Variants in TRDN observed in about 807,000 individuals in gnomAD.
TRDN encodes the protein triadin.
A neutral mutation model predicts 149.7 loss-of-function variants in TRDN; 161 were observed. The observed-to-expected ratio is 1.08, with a 90% CI of 0.95 to 1.23. TRDN has a LOEUF of 1.23. Ranked by LOEUF, TRDN falls within the 50% of genes most tolerant of loss-of-function variation. The pLI is 0.00. For synonymous variants in TRDN, 294 were observed against 250.5 expected, an observed-to-expected ratio of 1.17 and a Z score of -1.64; for missense variants, 896 against 823.5, an observed-to-expected ratio of 1.09 and a Z score of -1.08.
chr6:123,449,938 T>C (rs978007860), intron 10 of TRDN, among the ~76,000 whole-genome samples: 5 of 152,098 alleles, frequency 3.3e-5, no homozygotes, highest in African/African-American at 1.2e-4. Context: ...AGAACAATCA[T>C]CAGCCAAGAA....
rs57232836 is a variant in TRDN at position 123,274,232 on chromosome 6, ATT to A, written c.1597+407_1597+408del. On this transcript the variant is annotated intron_variant, in intron 27 of 40. Coordinates refer to ENST00000334268, the MANE Select transcript of TRDN (RefSeq NM_006073.4). ...AGATGCTTAATAAATTCTTGCTCTC[ATT>A]CCCTTCAAACCACAATAGTCTATAA... is the stretch of plus-strand genomic sequence containing the variant. Among the ~76,000 whole-genome samples, 460 of 152,228 alleles carry A rather than the reference ATT, an allele frequency of 3.0e-3. 1 individual carries two copies. The highest frequency in any genetic ancestry group is 0.01 in the African/African-American group (429 of 41,552).
At chr6:123,500,241 A>C (rs1778642483) in intron 8 of TRDN, among the ~76,000 whole-genome samples, 1 of 152,170 alleles carries the variant, frequency 6.6e-6, no homozygotes, top group African/African-American at 2.4e-5. Flanking sequence ...ATATATCAAT[A>C]GGAATATGAG....
intron 5 of TRDN, among the ~76,000 whole-genome samples, chr6:123,525,006 A>G (rs1011991112): frequency 6.6e-6 from 1 of 152,162 alleles, no homozygotes; most frequent in African/African-American, 2.4e-5. Flanking sequence ...CCACATTGAG[A>G]TATCATCTTA....
chr6:123,586,950 G>A (rs140793654), intron 1 of TRDN, among the ~76,000 whole-genome samples: 37 of 152,090 alleles, frequency 2.4e-4, no homozygotes, highest in Non-Finnish European at 3.7e-4. Flanking sequence ...GGGGTACAGC[G>A]ATATAAGAGG....
chr6:123,623,988 A>G (rs528217714), intron 1 of TRDN, among the ~76,000 whole-genome samples: 32 of 152,306 alleles, frequency 2.1e-4, no homozygotes, highest in Non-Finnish European at 4.3e-4. Context: ...TTCTTTCAAG[A>G]AACTTTGAAC....
intron 1 of TRDN, among the ~76,000 whole-genome samples, chr6:123,595,534 T>A (rs1391963370): frequency 6.6e-6 from 1 of 152,126 alleles, no homozygotes; most frequent in Non-Finnish European, 1.5e-5. Context: ...GTGCTTCACT[T>A]TATCACATTG....
intron 5 of TRDN, among the ~76,000 whole-genome samples, chr6:123,523,333 A>C (rs943148609): frequency 3.3e-5 from 5 of 152,124 alleles, no homozygotes; most frequent in African/African-American, 1.2e-4. Flanking sequence ...AGGGGGCATC[A>C]GTGGGGTCTG....
chr6:123,218,797 C>T (rs1183922463), intron 40 of TRDN, 57 bp from the exon 41 acceptor site: 1 of 1,521,234 alleles, frequency 6.6e-7, no homozygotes, highest in African/African-American at 1.4e-5. Context: ...CAAAAAAGCA[C>T]AGTGAGGCAG....
intron 1 of TRDN, among the ~76,000 whole-genome samples, chr6:123,598,029 A>G (rs1425891850): frequency 2.6e-5 from 4 of 152,128 alleles, no homozygotes. Flanking sequence ...GATTATTTTA[A>G]TAAGGCATTA....
intron 20 of TRDN, among the ~76,000 whole-genome samples, chr6:123,355,159 A>G (rs1780614631): frequency 6.6e-6 from 1 of 151,574 alleles, no homozygotes; most frequent in East Asian, 1.9e-4. Context: ...AATATTCTAA[A>G]TGAGTCTTTT....
intron 14 of TRDN, among the ~76,000 whole-genome samples, chr6:123,385,927 T>A (rs1270258612): frequency 6.6e-6 from 1 of 152,150 alleles, no homozygotes; most frequent in African/African-American, 2.4e-5. Context: ...CACTGGAATA[T>A]ACCTCCTAGT....
At chr6:123,259,311 T>C (rs1461446817) in intron 35 of TRDN, among the ~76,000 whole-genome samples, 1 of 152,112 alleles carries the variant, frequency 6.6e-6, no homozygotes, top group African/African-American at 2.4e-5. Flanking sequence ...AGGTGAGGAA[T>C]TGAATTTTAT....
At chr6:123,578,150 G>A (rs1376732035) in intron 1 of TRDN, among the ~76,000 whole-genome samples, 1 of 152,120 alleles carries the variant, frequency 6.6e-6, no homozygotes, top group African/African-American at 2.4e-5. Context: ...GATCTTGTTT[G>A]TCAATTTTTA....
intron 7 of TRDN, among the ~76,000 whole-genome samples, chr6:123,510,697 G>A (rs904927006): frequency 1.3e-5 from 2 of 149,316 alleles, no homozygotes; most frequent in African/African-American, 2.5e-5. Context: ...AGGCCGGAGT[G>A]CAGTGGCGCA....
intron 6 of TRDN, among the ~76,000 whole-genome samples, chr6:123,513,297 C>CAT: frequency 6.6e-6 from 1 of 152,298 alleles, no homozygotes; most frequent in South Asian, 2.1e-4. Context: ...ATTATAATAA[C>CAT]ATATCTCCTA....
intron 8 of TRDN, among the ~76,000 whole-genome samples, chr6:123,499,730 A>G (rs1040595796): frequency 5.1e-5 from 6 of 118,166 alleles, no homozygotes; most frequent in African/African-American, 1.8e-4. Context: ...ATATATATAT[A>G]TATATATATA....
chr6:123,589,947 T>A (rs1783700757), intron 1 of TRDN, among the ~76,000 whole-genome samples: 5 of 152,170 alleles, frequency 3.3e-5, no homozygotes, highest in Admixed American at 3.3e-4. Context: ...ACCTGTTTTT[T>A]AAAAATATAT....
chr6:123,308,654 C>T (rs1024169388), intron 24 of TRDN, among the ~76,000 whole-genome samples: 4 of 151,940 alleles, frequency 2.6e-5, no homozygotes, highest in African/African-American at 7.2e-5. Context: ...AAGCACTCAC[C>T]CCACTTGAAT....
intron 24 of TRDN, among the ~76,000 whole-genome samples, chr6:123,306,805 T>C (rs1778627716): frequency 6.6e-6 from 1 of 152,000 alleles, no homozygotes; most frequent in Non-Finnish European, 1.5e-5. Context: ...TCTTCCCAAA[T>C]AAAACATGAA....
Sources: allele counts gnomAD v4.1 joint callset (sites outside exome capture counted in the v4.1 genomes callset), GRCh38; gene constraint gnomAD v4.1.1; transcripts MANE v1.5; gene names NCBI Gene and HGNC (gene_info 2026-07-23, HGNC 2026-07-21).